Variants in NCOA1 observed in about 807,000 individuals in gnomAD.
NCOA1 encodes the protein Hin-2 protein.
A neutral mutation model predicts 150.9 loss-of-function variants in NCOA1; 35 were observed. The ratio of observed to expected loss-of-function variants is 0.23; its 90% CI spans 0.18 to 0.31. The LOEUF is 0.31. NCOA1 is among the 10% of genes least tolerant of loss of function. NCOA1 has a pLI of 1.00. For missense variants in NCOA1, 1,491 were observed against 1,749.3 expected, an observed-to-expected ratio of 0.85 and a Z score of 2.63; for synonymous variants, 590 against 630.0, an observed-to-expected ratio of 0.94 and a Z score of 0.95.
chr2:24,547,799 T>C (rs1276879919), intron 1 of NCOA1, among the ~76,000 whole-genome samples: 1 of 151,896 alleles, frequency 6.6e-6, no homozygotes, highest in Non-Finnish European at 1.5e-5. Flanking sequence ...CCATGCTGAC[T>C]AACGTGGTGA....
intron 1 of NCOA1, among the ~76,000 whole-genome samples, chr2:24,526,331 G>T (rs1374314087): frequency 6.6e-6 from 1 of 151,584 alleles, no homozygotes; most frequent in Non-Finnish European, 1.5e-5. Context: ...AAACCTATAG[G>T]TTAATAAATT....
intron 7 of NCOA1, among the ~76,000 whole-genome samples, chr2:24,675,987 C>T (rs938275313): frequency 1.8e-4 from 28 of 152,334 alleles, no homozygotes; most frequent in African/African-American, 6.3e-4. Context: ...CCAGATCTGT[C>T]TTCCAAGCTT....
At position 24,566,434 on chromosome 2, in the gene NCOA1, A is replaced by C. The variant is rs149281212; in HGVS notation, c.-260+2004A>C. Among the ~76,000 whole-genome samples the C allele has an allele frequency of 2.0e-3, 303 of 152,198 alleles. 1 individual carries two copies. The highest frequency in any genetic ancestry group is 6.8e-3 in the African/African-American group (281 of 41,500). ...GCAGAGAGGAGACCCTGGAGTGGGT[A>C]GCTCCTCTCCACAGCTGGTCATCCT... On this transcript the variant is annotated intron_variant, in intron 2 of 22. Transcript: ENST00000348332.
intron 2 of NCOA1, among the ~76,000 whole-genome samples, chr2:24,572,277 C>T (rs1666771946): frequency 1.3e-5 from 2 of 152,100 alleles, no homozygotes; most frequent in South Asian, 4.1e-4. Context: ...AATGAGTAAT[C>T]TCTGTGTTCT....
At chr2:24,544,938 G>C (rs1217135120) in intron 1 of NCOA1, among the ~76,000 whole-genome samples, 1 of 152,140 alleles carries the variant, frequency 6.6e-6, no homozygotes, top group African/African-American at 2.4e-5. Flanking sequence ...CAGGAAGAAG[G>C]CTAGAATGAA....
At chr2:24,542,658 GTC>G (rs1330673738) in intron 1 of NCOA1, among the ~76,000 whole-genome samples, 1 of 152,122 alleles carries the variant, frequency 6.6e-6, no homozygotes, top group Non-Finnish European at 1.5e-5. Flanking sequence ...GGTGATGTTG[GTC>G]TCTCTGCAAG....
In NCOA1 at chr2:24,707,050, A is replaced by G; in HGVS notation, c.1580A>G (p.Asn527Ser). 1 of 1,614,182 alleles carries G rather than the reference A, an allele frequency of 6.2e-7. No individual in the cohort carries two copies. The highest frequency in any genetic ancestry group is 8.5e-7 in the Non-Finnish European group (1 of 1,180,014). Reference protein sequence around the residue: ...SPVGMTSSACNNNNRSYSNIP... With the variant: ...SPVGMTSSACSNNNRSYSNIP... ...GTTGGCATGACAAGTAGTGCCTGTA[A>G]TAATAATAACCGATCTTATTCAAAC... Residue 527 changes from asparagine to serine, a missense_variant, in exon 13 of 23, where the codon AAT becomes AGT. Asn to Ser is a conservative substitution (Grantham distance 46). This residue lies in a region of NCOA1 where 703 missense variants were observed against 717.7 expected (regional missense o/e 0.98). Transcript: ENST00000348332.
At chr2:24,575,631 T>A (rs980977470) in intron 2 of NCOA1, among the ~76,000 whole-genome samples, 4 of 150,736 alleles carry the variant, frequency 2.7e-5, no homozygotes, top group Non-Finnish European at 5.9e-5. Flanking sequence ...TGGCATGCAG[T>A]GGTGCAATCT....
intron 1 of NCOA1, among the ~76,000 whole-genome samples, chr2:24,514,415 A>G (rs1338284370): frequency 1.3e-5 from 2 of 151,986 alleles, no homozygotes; most frequent in African/African-American, 4.8e-5. Context: ...ATTAAGCTCT[A>G]TGTGAGCAAG....
Position 24,741,991 on chromosome 2 carries a change from C to G in NCOA1, c.3511C>G (p.Pro1171Ala). The G allele has an allele frequency of 6.2e-7, 1 of 1,614,242 alleles. No individual in the cohort carries two copies. The highest frequency in any genetic ancestry group is 8.5e-7 in the Non-Finnish European group (1 of 1,180,042). Residue 1171 changes from proline (P) to alanine (A), a missense_variant, in exon 19 of 23, where the codon CCA (proline) becomes GCA (alanine). Coordinates refer to ENST00000348332, the MANE Select transcript of NCOA1 (RefSeq NM_003743.5). The part of the protein sequence containing the change: ...QGAPQQFPYP[P>A]NYGTNPGTPP... Reference sequence around the variant, plus strand: ...TGCTCCACAGCAATTCCCCTATCCACCAAACTATGGTACAAATCCAGGAAC... The same window carrying G: ...TGCTCCACAGCAATTCCCCTATCCAGCAAACTATGGTACAAATCCAGGAAC...
At chr2:24,577,061 T>C (rs1280967456) in intron 2 of NCOA1, among the ~76,000 whole-genome samples, 1 of 152,224 alleles carries the variant, frequency 6.6e-6, no homozygotes, top group Non-Finnish European at 1.5e-5. Flanking sequence ...TAGTTGCTAG[T>C]TTATCTAACT....
At chr2:24,643,137 G>A (rs1275202194) in intron 3 of NCOA1, among the ~76,000 whole-genome samples, 2 of 152,168 alleles carry the variant, frequency 1.3e-5, no homozygotes, top group Non-Finnish European at 2.9e-5. Flanking sequence ...CAAAATTCAA[G>A]TAAGGTCTGT....
intron 1 of NCOA1, among the ~76,000 whole-genome samples, chr2:24,520,358 C>T (rs1396233835): frequency 6.6e-6 from 1 of 151,984 alleles, no homozygotes; most frequent in Non-Finnish European, 1.5e-5. Flanking sequence ...TCCAAACGTC[C>T]TTAATAGGTA....
intron 14 of NCOA1, among the ~76,000 whole-genome samples, chr2:24,722,584 A>G (rs1051325702): frequency 6.6e-6 from 1 of 152,170 alleles, no homozygotes; most frequent in Non-Finnish European, 1.5e-5. Flanking sequence ...GTTCCTGAAG[A>G]ATTCCAAAAA....
In NCOA1 at chr2:24,691,646, A is replaced by G. The variant is rs1672672597; in HGVS notation, c.698A>G (p.Gln233Arg). ...CFTVSQPKSIQEDGEDFQSCL... is the reference protein window; with the variant it reads ...CFTVSQPKSIREDGEDFQSCL... ...ACTGTGTCACAGCCAAAATCAATTC[A>G]AGAGGATGGAGAAGGTAAAGCCAAA... Residue 233 changes from glutamine to arginine, a missense_variant, in exon 9 of 23, where the codon CAA becomes CGA. Physicochemically the swap from Gln to Arg is conservative, Grantham distance 43. This residue lies in a region of NCOA1 where 99 missense variants were observed against 122.8 expected (regional missense o/e 0.81). Coordinates refer to ENST00000348332, the MANE Select transcript of NCOA1 (RefSeq NM_003743.5). 6 of 1,613,800 alleles carry G rather than the reference A, an allele frequency of 3.7e-6. No homozygotes were observed. The East Asian group carries it at 1.3e-4, about 36-fold the overall frequency.
At chr2:24,657,478 C>T (rs531900581) in intron 4 of NCOA1, among the ~76,000 whole-genome samples, 1 of 152,274 alleles carries the variant, frequency 6.6e-6, no homozygotes, top group South Asian at 2.1e-4. Context: ...TGGAAATTTT[C>T]ATAAATAGCA....
intron 22 of NCOA1, among the ~76,000 whole-genome samples, chr2:24,766,890 A>G (rs1395239465): frequency 1.3e-5 from 2 of 152,178 alleles, no homozygotes; most frequent in South Asian, 2.1e-4. Flanking sequence ...CAGAGGAGGC[A>G]GTAACAAATG....
chr2:24,575,784 A>G (rs1179044985), intron 2 of NCOA1, among the ~76,000 whole-genome samples: 3 of 152,252 alleles, frequency 2.0e-5, no homozygotes, highest in East Asian at 3.9e-4. Flanking sequence ...TGTGTTAGCC[A>G]GGATGGTCTC....
In NCOA1 at chr2:24,707,419, T is replaced by C. The variant is rs553714406; in HGVS notation, c.1949T>C (p.Ile650Thr). 9.9e-6 allele frequency: 16 copies of C among 1,614,230 alleles called. No individual in the cohort carries two copies. Among genetic ancestry groups the C allele is most frequent in the South Asian group, 4.4e-5 (4 of 91,082 alleles). Residue 650 changes from isoleucine to threonine, a missense_variant, in exon 13 of 23, where the codon ATA (isoleucine) becomes ACA (threonine). This residue lies in a region of NCOA1 where 703 missense variants were observed against 717.7 expected (regional missense o/e 0.98). Transcript: ENST00000348332. ...GAACAGCAGTTACGGCATGCTGATA[T>C]AGACACAAGCTGCAAAGATGTCCTG... ...TAEQQLRHAD[I>T]DTSCKDVLSC...
Sources: allele counts gnomAD v4.1 joint callset (sites outside exome capture counted in the v4.1 genomes callset), GRCh38; gene constraint gnomAD v4.1.1; regional missense constraint gnomAD v4.1.1; transcripts MANE v1.5; gene names NCBI Gene and HGNC (gene_info 2026-07-23, HGNC 2026-07-21).